The following MGAT4C variants were observed in gnomAD, a reference collection of about 807,000 sequenced individuals.
The protein encoded by MGAT4C is MGAT4 family member C.
Under a neutral mutation model 40.1 loss-of-function variants are expected in MGAT4C, and 19 were observed. The observed-to-expected ratio is 0.47, with a 90% CI of 0.33 to 0.70. MGAT4C has a LOEUF of 0.70. Among genes scored for constraint, MGAT4C ranks in the 30% least tolerant of loss-of-function variants. The pLI, the probability that MGAT4C is intolerant of heterozygous loss-of-function variation, is 0.02. For missense variants in MGAT4C, 491 were observed against 563.2 expected (o/e 0.87, Z 1.30); for synonymous variants, 181 against 187.1 (o/e 0.97, Z 0.27).
chr12:86,380,423 C>T (rs1232894838), intron 3 of MGAT4C, among the ~76,000 whole-genome samples: 1 of 151,878 alleles, frequency 6.6e-6, no homozygotes, highest in Non-Finnish European at 1.5e-5. Context: ...GTGACCATGC[C>T]ATACATTATA....
At chr12:86,250,923 T>C (rs1227201187) in intron 1 of MGAT4C, among the ~76,000 whole-genome samples, 3 of 152,020 alleles carry the variant, frequency 2.0e-5, no homozygotes, top group South Asian at 2.1e-4. Flanking sequence ...TGTTAGTGAA[T>C]AGCAATTTTT....
chr12:86,757,468 T>C (rs1951325056), intron 1 of MGAT4C, among the ~76,000 whole-genome samples: 1 of 152,088 alleles, frequency 6.6e-6, no homozygotes, highest in Non-Finnish European at 1.5e-5. Flanking sequence ...GTAAAGACAA[T>C]ACTGTAAAGC....
chr12:86,138,784 C>G (rs1003719957), intron 1 of MGAT4C, among the ~76,000 whole-genome samples: 1 of 151,622 alleles, frequency 6.6e-6, no homozygotes, highest in Non-Finnish European at 1.5e-5. Context: ...CTGGCTTAAG[C>G]GGGCATTCAG....
At chr12:86,749,987 C>A (rs1376111680) in intron 1 of MGAT4C, among the ~76,000 whole-genome samples, 1 of 150,486 alleles carries the variant, frequency 6.6e-6, no homozygotes, top group African/African-American at 2.5e-5. Flanking sequence ...ATGGTTTGAG[C>A]ATAGTAGGAA....
intron 4 of MGAT4C, among the ~76,000 whole-genome samples, chr12:86,294,074 T>C (rs183076253): frequency 3.3e-5 from 5 of 152,116 alleles, no homozygotes; most frequent in Non-Finnish European, 7.4e-5. Flanking sequence ...TGACAAATAT[T>C]ACAGGACATA....
At chr12:86,791,560 G>A (rs1427381530) in intron 1 of MGAT4C, among the ~76,000 whole-genome samples, 1 of 151,810 alleles carries the variant, frequency 6.6e-6, no homozygotes, top group Non-Finnish European at 1.5e-5. Context: ...GCATATTTAG[G>A]TGATAGTATG....
At chr12:86,108,381 T>C (rs1290156056) in intron 1 of MGAT4C, among the ~76,000 whole-genome samples, 3 of 152,166 alleles carry the variant, frequency 2.0e-5, no homozygotes, top group Admixed American at 1.3e-4. Context: ...ATTTAAAGAA[T>C]AAACTATATT....
At chr12:86,653,593 T>C (rs1963760803) in intron 2 of MGAT4C, among the ~76,000 whole-genome samples, 1 of 151,864 alleles carries the variant, frequency 6.6e-6, no homozygotes, top group African/African-American at 2.4e-5. Flanking sequence ...AAAAAAGACA[T>C]AACTATTGGT....
chr12:86,412,987 C>A lies in MGAT4C; in HGVS notation c.-120+22170G>T, dbSNP rs191987987. Reference sequence around the variant, plus strand: ...TTTGTAGTACCTCCCCCTTCACTCTCTTCCTCCTGCTCTGGCCATGTAAGG... The same window carrying A: ...TTTGTAGTACCTCCCCCTTCACTCTATTCCTCCTGCTCTGGCCATGTAAGG... On this transcript the variant is annotated intron_variant, in intron 3 of 7. Transcript: ENST00000548651. 9.2e-5 allele frequency among the ~76,000 whole-genome samples: 14 copies of A among 152,270 alleles called. No individual in the cohort carries two copies. In the East Asian group the frequency reaches 1.2e-3, roughly 13 times the overall value.
At chr12:86,126,021 A>G (rs1469299203) in intron 1 of MGAT4C, among the ~76,000 whole-genome samples, 1 of 152,046 alleles carries the variant, frequency 6.6e-6, no homozygotes, top group African/African-American at 2.4e-5. Flanking sequence ...GATTGAATCT[A>G]CTAGTTATTA....
intron 1 of MGAT4C, among the ~76,000 whole-genome samples, chr12:86,806,813 A>T (rs920493410): frequency 4.6e-5 from 7 of 152,046 alleles, no homozygotes; most frequent in Middle Eastern, 6.8e-3. Flanking sequence ...CAACGAGAAC[A>T]CTTGGACACA....
chr12:86,434,987 T>A (rs987761371), intron 3 of MGAT4C, among the ~76,000 whole-genome samples: 3 of 151,972 alleles, frequency 2.0e-5, no homozygotes, highest in African/African-American at 7.2e-5. Flanking sequence ...TTCAGTTTTA[T>A]CTTGCTATAA....
At chr12:86,057,658 A>T (rs528248726) in intron 1 of MGAT4C, among the ~76,000 whole-genome samples, 5 of 152,282 alleles carry the variant, frequency 3.3e-5, no homozygotes, top group Middle Eastern at 3.4e-3. Context: ...GACTAAGTCC[A>T]TCTTACTGCA....
chr12:86,242,622 C>T (rs958585313), intron 1 of MGAT4C, among the ~76,000 whole-genome samples: 5 of 151,736 alleles, frequency 3.3e-5, no homozygotes, highest in African/African-American at 9.7e-5. Flanking sequence ...TTTGATTGTC[C>T]GGGGAAGTAC....
chr12:86,756,085 A>G (rs1327726896), intron 1 of MGAT4C, among the ~76,000 whole-genome samples: 2 of 152,140 alleles, frequency 1.3e-5, no homozygotes, highest in African/African-American at 4.8e-5. Flanking sequence ...TTGGGTTGCC[A>G]TAACAAAATA....
At chr12:86,498,698 G>GC (rs1958284375) in intron 2 of MGAT4C, among the ~76,000 whole-genome samples, 1 of 151,878 alleles carries the variant, frequency 6.6e-6, no homozygotes, top group African/African-American at 2.4e-5. Context: ...CTCAAGTGTA[G>GC]CAGGTATCCA....
At chr12:86,769,663 C>T (rs1394085672) in intron 1 of MGAT4C, among the ~76,000 whole-genome samples, 2 of 152,174 alleles carry the variant, frequency 1.3e-5, no homozygotes, top group South Asian at 2.1e-4. Flanking sequence ...GGCACATATA[C>T]ACCATGGAAT....
chr12:86,090,166 G>C (rs1483526913), intron 1 of MGAT4C, among the ~76,000 whole-genome samples: 1 of 151,534 alleles, frequency 6.6e-6, no homozygotes, highest in Non-Finnish European at 1.5e-5. Context: ...AATGTTTGCT[G>C]ATAGCTTCTA....
intron 2 of MGAT4C, among the ~76,000 whole-genome samples, chr12:86,720,430 A>T (rs1219040377): frequency 6.6e-6 from 1 of 152,218 alleles, no homozygotes; most frequent in East Asian, 1.9e-4. Context: ...AAGGAGAGTC[A>T]AAGAGCTGGT....
Sources: gnomAD v4.1 joint callset for allele counts (sites outside exome capture counted in the v4.1 genomes callset) on GRCh38, gnomAD v4.1.1 for gene constraint, MANE v1.5 for transcripts, NCBI Gene and HGNC (gene_info 2026-07-23, HGNC 2026-07-21) for gene names.